ZC3H12B: variants seen among roughly 807,000 people sequenced by gnomAD.
ZC3H12B encodes the protein zinc finger CCCH-type containing 12B.
Under a neutral mutation model 43.9 loss-of-function variants are expected in ZC3H12B, and 7 were observed. The ratio of observed to expected loss-of-function variants is 0.16; its 90% CI spans 0.09 to 0.30. The LOEUF (loss-of-function observed/expected upper bound fraction) is 0.30. ZC3H12B is among the 10% of genes least tolerant of loss of function. ZC3H12B has a pLI of 1.00. For missense variants in ZC3H12B, 475 were observed against 670.2 expected, an observed-to-expected ratio of 0.71 and a Z score of 3.22; for synonymous variants, 222 against 241.7, an observed-to-expected ratio of 0.92 and a Z score of 0.76.
chrX:65,184,639 G>A, the ZC3H12B span, among the ~76,000 whole-genome samples: 1 of 111,594 alleles, frequency 9.0e-6, no homozygotes, highest in Admixed American at 9.6e-5. Flanking sequence ...TTAAAGGTAT[G>A]TATAGTTTGG....
intron 3 of ZC3H12B, among the ~76,000 whole-genome samples, chrX:65,461,600 G>C (rs2067748179): frequency 1.8e-5 from 2 of 111,244 alleles, no homozygotes; most frequent in Admixed American, 9.6e-5. Flanking sequence ...TCTATCACAA[G>C]GACAAAAAAC....
At chrX:65,326,466 G>T in the ZC3H12B span, among the ~76,000 whole-genome samples, 51 of 110,787 alleles carry the variant, frequency 4.6e-4, no homozygotes, top group Admixed American at 1.4e-3. Context: ...TGGAACTCAT[G>T]AAGATAGAGA....
At chrX:65,109,053 A>G in the ZC3H12B span, among the ~76,000 whole-genome samples, 1 of 111,697 alleles carries the variant, frequency 9.0e-6, no homozygotes, top group Non-Finnish European at 1.9e-5. Flanking sequence ...CCAGTACTTC[A>G]GGGTTAATTC....
chrX:65,281,777 A>G, the ZC3H12B span, among the ~76,000 whole-genome samples: 1 of 112,442 alleles, frequency 8.9e-6, no homozygotes, highest in East Asian at 2.8e-4. Flanking sequence ...TATTTGACAG[A>G]TAAGACCTTA....
At chrX:65,059,467 A>T in the ZC3H12B span, among the ~76,000 whole-genome samples, 1 of 110,989 alleles carries the variant, frequency 9.0e-6, no homozygotes, top group Non-Finnish European at 1.9e-5. Flanking sequence ...AGCACCGTTT[A>T]TGGAAGAGAC....
At chrX:65,378,034 G>T (rs1039326363) in intron 2 of ZC3H12B, among the ~76,000 whole-genome samples, 3 of 110,899 alleles carry the variant, frequency 2.7e-5, no homozygotes, top group African/African-American at 6.6e-5. Context: ...GGGGGGTGAA[G>T]CTTGCAGTGA....
chrX:65,449,968 G>A (rs2067447380), intron 3 of ZC3H12B, among the ~76,000 whole-genome samples: 1 of 110,999 alleles, frequency 9.0e-6, no homozygotes, highest in Admixed American at 9.7e-5. Flanking sequence ...ATTCATTCAT[G>A]TAACCAAAAG....
At chrX:65,451,667 A>G (rs1268050769) in intron 3 of ZC3H12B, among the ~76,000 whole-genome samples, 1 of 111,783 alleles carries the variant, frequency 8.9e-6, no homozygotes, top group Non-Finnish European at 1.9e-5. Flanking sequence ...TATATGAAAA[A>G]GCAGCTACCT....
chrX:65,353,126 C>A, the ZC3H12B span, among the ~76,000 whole-genome samples: 875 of 111,419 alleles, frequency 7.9e-3, 2 homozygotes, highest in Middle Eastern at 0.018. Flanking sequence ...TCTTAGTGCT[C>A]AGATTACAGA....
the ZC3H12B span, among the ~76,000 whole-genome samples, chrX:65,288,477 C>G: frequency 1.6e-4 from 18 of 112,256 alleles, no homozygotes; most frequent in Non-Finnish European, 1.1e-4. Flanking sequence ...TGGATTTATG[C>G]AAGGGATGCA....
chrX:65,355,605 G>A, the ZC3H12B span, among the ~76,000 whole-genome samples: 2 of 111,473 alleles, frequency 1.8e-5, no homozygotes, highest in African/African-American at 6.5e-5. Context: ...CAATTTGGGG[G>A]TGAGAAATAC....
the ZC3H12B span, among the ~76,000 whole-genome samples, chrX:65,299,657 G>T: frequency 8.9e-6 from 1 of 112,132 alleles, no homozygotes; most frequent in African/African-American, 3.2e-5. Flanking sequence ...GCAGCTAACA[G>T]GCAGGACTAA....
the ZC3H12B span, among the ~76,000 whole-genome samples, chrX:65,114,664 A>T: frequency 9.1e-5 from 10 of 110,267 alleles, no homozygotes; most frequent in Admixed American, 1.9e-4. Flanking sequence ...TACTAATTTT[A>T]TTGATATTTT....
chrX:65,181,041 G>T, the ZC3H12B span, among the ~76,000 whole-genome samples: 5 of 111,188 alleles, frequency 4.5e-5, no homozygotes, highest in Non-Finnish European at 7.5e-5. Context: ...CATGGTACTG[G>T]TACCAAAACA....
the ZC3H12B span, among the ~76,000 whole-genome samples, chrX:65,099,302 G>A: frequency 2.7e-5 from 3 of 111,864 alleles, no homozygotes; most frequent in Admixed American, 9.4e-5. Context: ...GGACTTAAAT[G>A]TTCCTGCCTG....
intron 2 of ZC3H12B, among the ~76,000 whole-genome samples, chrX:65,382,400 C>G (rs774046294): frequency 8.1e-4 from 90 of 111,161 alleles, no homozygotes; most frequent in African/African-American, 2.8e-3. Flanking sequence ...CAAAATTCAA[C>G]AACCCTTCAT....
chrX:65,410,637 CAA>C (rs201191378), intron 3 of ZC3H12B, among the ~76,000 whole-genome samples: 9 of 108,500 alleles, frequency 8.3e-5, no homozygotes, highest in African/African-American at 3.0e-4. Flanking sequence ...AATAAACTGA[CAA>C]AAAAAAATAG....
chrX:65,318,710 G>A, the ZC3H12B span, among the ~76,000 whole-genome samples: 38 of 110,995 alleles, frequency 3.4e-4, no homozygotes, highest in African/African-American at 9.8e-4. Context: ...GTGAACCACC[G>A]CATCCAGCCC....
At chrX:65,059,074 C>T in the ZC3H12B span, among the ~76,000 whole-genome samples, 5 of 111,548 alleles carry the variant, frequency 4.5e-5, no homozygotes, top group Admixed American at 9.5e-5. Flanking sequence ...GTGCACTGCA[C>T]CCACTGTCCT....
Sources: allele counts gnomAD v4.1 joint callset (sites outside exome capture counted in the v4.1 genomes callset), GRCh38; gene constraint gnomAD v4.1.1; transcripts MANE v1.5; gene names NCBI Gene and HGNC (gene_info 2026-07-23, HGNC 2026-07-21).